Variants in CCSER1 observed in about 807,000 individuals in gnomAD.
CCSER1 encodes the protein coiled-coil serine rich protein 1.
CCSER1 carries 41 observed loss-of-function variants against 82.0 expected under a neutral mutation model. That is an observed-to-expected ratio of 0.50 (90% CI 0.39 to 0.65). The LOEUF is 0.65. Among genes scored for constraint, CCSER1 ranks in the 30% least tolerant of loss-of-function variants. CCSER1 has a pLI of 0.00. For synonymous variants in CCSER1, 414 were observed against 383.9 expected (o/e 1.08, Z -0.92); for missense variants, 1,119 against 1,064.2 (o/e 1.05, Z -0.72).
At chr4:90,661,812 G>A (rs1426827110) in intron 6 of CCSER1, among the ~76,000 whole-genome samples, 1 of 151,272 alleles carries the variant, frequency 6.6e-6, no homozygotes, top group African/African-American at 2.4e-5. Flanking sequence ...TGAAATTAAA[G>A]AAATAATGGA....
intron 3 of CCSER1, among the ~76,000 whole-genome samples, chr4:90,323,776 G>A (rs1293394151): frequency 1.3e-5 from 2 of 151,894 alleles, no homozygotes; most frequent in African/African-American, 4.8e-5. Flanking sequence ...CCACTAACTC[G>A]TCATTTAGCA....
chr4:91,115,806 C>CTTTTTTTTTT (rs527629667), intron 10 of CCSER1, among the ~76,000 whole-genome samples: 4 of 101,562 alleles, frequency 3.9e-5, no homozygotes, highest in South Asian at 3.4e-4. Context: ...CTAGCTTTTT[C>CTTTTTTTTTT]TTTTTTTTTT....
At chr4:90,845,957 A>G (rs1245564027) in intron 8 of CCSER1, among the ~76,000 whole-genome samples, 2 of 145,436 alleles carry the variant, frequency 1.4e-5, no homozygotes, top group Non-Finnish European at 3.1e-5. Flanking sequence ...TGCTGTGTCT[A>G]TTTATAGATT....
At chr4:91,063,756 T>G (rs1744143178) in intron 9 of CCSER1, among the ~76,000 whole-genome samples, 1 of 152,166 alleles carries the variant, frequency 6.6e-6, no homozygotes, top group Non-Finnish European at 1.5e-5. Context: ...AAATCCTAAG[T>G]AAATATAATA....
intron 5 of CCSER1, among the ~76,000 whole-genome samples, chr4:90,586,993 C>A (rs1782095030): frequency 6.6e-6 from 1 of 152,152 alleles, no homozygotes; most frequent in Admixed American, 6.5e-5. Context: ...CTACCATAAT[C>A]ACAGGGTTCC....
chr4:90,808,839 C>T (rs1442339626), intron 7 of CCSER1, among the ~76,000 whole-genome samples: 2 of 152,112 alleles, frequency 1.3e-5, no homozygotes, highest in East Asian at 1.9e-4. Context: ...GGAGATTTCT[C>T]AAAGAACTAA....
chr4:90,759,562 A>G (rs1212984987), intron 7 of CCSER1, among the ~76,000 whole-genome samples: 1 of 152,216 alleles, frequency 6.6e-6, no homozygotes, highest in Non-Finnish European at 1.5e-5. Context: ...CTATGTTGTT[A>G]TTGTTGCACC....
intron 1 of CCSER1, among the ~76,000 whole-genome samples, chr4:90,255,126 C>T (rs1032532516): frequency 6.6e-6 from 1 of 151,964 alleles, no homozygotes; most frequent in Non-Finnish European, 1.5e-5. Flanking sequence ...CAAAATTTAG[C>T]GCTTTTCGTC....
At chr4:90,584,422 C>T (rs1781760758) in intron 5 of CCSER1, among the ~76,000 whole-genome samples, 1 of 152,126 alleles carries the variant, frequency 6.6e-6, no homozygotes, top group African/African-American at 2.4e-5. Flanking sequence ...GGAAGCGTAA[C>T]TCTGACAGCA....
chr4:90,672,304 T>C (rs116235563), intron 6 of CCSER1, among the ~76,000 whole-genome samples: 1 of 152,080 alleles, frequency 6.6e-6, no homozygotes, highest in Admixed American at 6.6e-5. Flanking sequence ...GATAACTTGC[T>C]GCAGCATCTT....
Position 90,703,925 on chromosome 4 carries a change from C to A in CCSER1, c.1933-19989C>A, listed in dbSNP as rs189522104. 4.6e-3 allele frequency among the ~76,000 whole-genome samples: 697 copies of A among 152,208 alleles called. 7 individuals are homozygous for A. Among genetic ancestry groups the A allele is most frequent in the African/African-American group, 0.016 (664 of 41,506 alleles). On this transcript the variant is annotated intron_variant, in intron 6 of 10. Transcript: ENST00000509176. ...ACACTGATGGGTCTTTACTCTTTAT[C>A]CAATTTGCCATTCTGTGTCTTTCAA...
chr4:91,500,543 G>C (rs1031391261), intron 10 of CCSER1, among the ~76,000 whole-genome samples: 1 of 151,608 alleles, frequency 6.6e-6, no homozygotes, highest in African/African-American at 2.4e-5. Flanking sequence ...TTGTAGCTTT[G>C]ACTACAGTCA....
chr4:91,598,233 A>G (rs1764671565), intron 10 of CCSER1, among the ~76,000 whole-genome samples: 1 of 152,224 alleles, frequency 6.6e-6, no homozygotes, highest in Admixed American at 6.5e-5. Context: ...TTATTAAAAT[A>G]ATCTGTATTT....
intron 10 of CCSER1, among the ~76,000 whole-genome samples, chr4:91,099,291 T>C (rs1336805414): frequency 1.3e-5 from 2 of 152,192 alleles, no homozygotes; most frequent in Non-Finnish European, 2.9e-5. Flanking sequence ...AATTTTTCAG[T>C]GGTTTGGTGC....
chr4:90,848,052 AATT>A (rs1362494449), intron 8 of CCSER1, among the ~76,000 whole-genome samples: 1 of 152,186 alleles, frequency 6.6e-6, no homozygotes, highest in Non-Finnish European at 1.5e-5. Context: ...GTTTGAAGCA[AATT>A]ATTGTGGATT....
chr4:91,390,879 T>C (rs1326723706), intron 10 of CCSER1, among the ~76,000 whole-genome samples: 1 of 152,146 alleles, frequency 6.6e-6, no homozygotes, highest in Non-Finnish European at 1.5e-5. Context: ...GAGCTGTTCA[T>C]ATTTATTATC....
At chr4:91,430,111 C>A (rs992111927) in intron 10 of CCSER1, among the ~76,000 whole-genome samples, 7 of 151,900 alleles carry the variant, frequency 4.6e-5, no homozygotes, top group Non-Finnish European at 8.8e-5. Flanking sequence ...TCATTCAAAT[C>A]CTCTTAAAAT....
chr4:90,843,906 G>A (rs952697041), intron 8 of CCSER1, among the ~76,000 whole-genome samples: 1 of 151,730 alleles, frequency 6.6e-6, no homozygotes, highest in East Asian at 1.9e-4. Context: ...ACATTACTTA[G>A]TCACTAGAAG....
chr4:91,040,055 C>T (rs907884871), intron 9 of CCSER1, among the ~76,000 whole-genome samples: 3 of 151,948 alleles, frequency 2.0e-5, no homozygotes, highest in Non-Finnish European at 4.4e-5. Context: ...TTATTAGAGA[C>T]AAAGCAATAA....
Sources: gnomAD v4.1 joint callset for allele counts (sites outside exome capture counted in the v4.1 genomes callset) on GRCh38, gnomAD v4.1.1 for gene constraint, MANE v1.5 for transcripts, NCBI Gene and HGNC (gene_info 2026-07-23, HGNC 2026-07-21) for gene names.